The following ASTN2 variants were observed in gnomAD, a reference collection of about 807,000 sequenced individuals.
ASTN2 encodes astrotactin-2.
ASTN2 carries 54 observed loss-of-function variants against 139.8 expected under a neutral mutation model. The ratio of observed to expected loss-of-function variants is 0.39; its 90% CI spans 0.31 to 0.48. The LOEUF (loss-of-function observed/expected upper bound fraction) is 0.48, where lower values mean the gene tolerates loss of function less well. ASTN2 is among the 20% of genes least tolerant of loss of function. The probability of loss-of-function intolerance (pLI) is 0.95; values close to 1 mark genes in which losing one functional copy is unlikely to be tolerated. For missense variants in ASTN2, 1,565 were observed against 1,725.1 expected (o/e 0.91, Z 1.64); for synonymous variants, 756 against 719.5 (o/e 1.05, Z -0.81).
intron 3 of ASTN2, among the ~76,000 whole-genome samples, chr9:117,202,852 C>T (rs1052266868): frequency 2.6e-5 from 4 of 152,108 alleles, no homozygotes; most frequent in Admixed American, 2.6e-4. Flanking sequence ...TCATGTTCTC[C>T]GTATTTCCTG....
intron 3 of ASTN2, among the ~76,000 whole-genome samples, chr9:117,198,552 T>C (rs1254762801): frequency 1.3e-5 from 2 of 152,164 alleles, no homozygotes. Context: ...TGATGGGCAT[T>C]TGGGTTGGTT....
chr9:116,786,588 C>A (rs749056981), intron 13 of ASTN2, among the ~76,000 whole-genome samples: 2 of 151,768 alleles, frequency 1.3e-5, no homozygotes, highest in African/African-American at 4.8e-5. Flanking sequence ...TGGAGAGATA[C>A]CCAAGAAACT....
chr9:116,482,543 G>A (rs375882111), intron 20 of ASTN2, among the ~76,000 whole-genome samples: 8 of 152,102 alleles, frequency 5.3e-5, no homozygotes, highest in East Asian at 3.9e-4. Flanking sequence ...GCAAGCCTCC[G>A]GGCTCACTGA....
At chr9:117,144,120 A>G (rs1830136460) in intron 3 of ASTN2, among the ~76,000 whole-genome samples, 1 of 151,730 alleles carries the variant, frequency 6.6e-6, no homozygotes, top group African/African-American at 2.4e-5. Flanking sequence ...GAAAGACCCC[A>G]CTCTCTTTCT....
intron 3 of ASTN2, among the ~76,000 whole-genome samples, chr9:117,208,087 A>G (rs1423543613): frequency 2.6e-5 from 4 of 152,226 alleles, no homozygotes; most frequent in African/African-American, 9.6e-5. Context: ...ACATAGGGAC[A>G]CATCAAACAT....
At chr9:117,379,007 T>G (rs1219656273) in intron 1 of ASTN2, among the ~76,000 whole-genome samples, 2 of 152,182 alleles carry the variant, frequency 1.3e-5, no homozygotes, top group Non-Finnish European at 2.9e-5. Context: ...TCCTGCCGTG[T>G]GAGACGTCAT....
chr9:116,947,681 C>G (rs1835436012), intron 10 of ASTN2, among the ~76,000 whole-genome samples: 1 of 152,154 alleles, frequency 6.6e-6, no homozygotes, highest in Non-Finnish European at 1.5e-5. Context: ...GAATATTTTT[C>G]CATGAACCAT....
intron 3 of ASTN2, among the ~76,000 whole-genome samples, chr9:117,151,320 C>G (rs577867787): frequency 6.6e-6 from 1 of 152,158 alleles, no homozygotes; most frequent in East Asian, 1.9e-4. Flanking sequence ...TCTATCCTGT[C>G]CATGACTTCA....
chr9:116,773,536 T>C (rs2132189551), intron 13 of ASTN2, among the ~76,000 whole-genome samples: 1 of 152,190 alleles, frequency 6.6e-6, no homozygotes, highest in South Asian at 2.1e-4. Flanking sequence ...CACACAAAGA[T>C]GGGCTTTAAA....
chr9:116,573,940 T>C (rs1271010022), intron 19 of ASTN2, among the ~76,000 whole-genome samples: 1 of 152,112 alleles, frequency 6.6e-6, no homozygotes, highest in Admixed American at 6.6e-5. Context: ...TAAAATCATA[T>C]AAAAAAGAGA....
chr9:116,871,035 G>T (rs2132352732), intron 10 of ASTN2, among the ~76,000 whole-genome samples: 1 of 152,260 alleles, frequency 6.6e-6, no homozygotes, highest in South Asian at 2.1e-4. Context: ...GAGACAGACA[G>T]ATCTTGAGGC....
intron 6 of ASTN2, among the ~76,000 whole-genome samples, chr9:117,034,905 A>G (rs1838339546): frequency 1.3e-5 from 2 of 152,202 alleles, no homozygotes; most frequent in African/African-American, 2.4e-5. Context: ...AACTCTTGCC[A>G]GCTGGGCTCT....
intron 5 of ASTN2, among the ~76,000 whole-genome samples, chr9:117,043,364 A>G (rs531244954): frequency 1.2e-4 from 18 of 152,264 alleles, no homozygotes; most frequent in Non-Finnish European, 2.9e-5. Flanking sequence ...CACCCTGTGG[A>G]TCCCTTAGAA....
At chr9:117,076,409 A>AG (rs1364592592) in intron 5 of ASTN2, among the ~76,000 whole-genome samples, 5 of 151,726 alleles carry the variant, frequency 3.3e-5, no homozygotes, top group Admixed American at 1.3e-4. Context: ...GGAGAAAAAG[A>AG]GGGGGGGATA....
At chr9:116,740,657 C>G (rs964547189) in intron 13 of ASTN2, among the ~76,000 whole-genome samples, 9 of 151,734 alleles carry the variant, frequency 5.9e-5, no homozygotes, top group East Asian at 3.9e-4. Context: ...GGACTACAGG[C>G]GCCCACCACC....
chr9:117,300,549 G>A (rs1032455536), intron 1 of ASTN2, among the ~76,000 whole-genome samples: 16 of 152,200 alleles, frequency 1.1e-4, no homozygotes, highest in African/African-American at 3.9e-4. Flanking sequence ...GGTACAGCTT[G>A]TTACAGGAAC....
chr9:116,492,119 T>C (rs552358619), intron 19 of ASTN2, among the ~76,000 whole-genome samples: 1 of 151,908 alleles, frequency 6.6e-6, no homozygotes, highest in South Asian at 2.1e-4. Context: ...TCTTTCTCTA[T>C]TGCCCAGGCT....
intron 17 of ASTN2, among the ~76,000 whole-genome samples, chr9:116,637,680 T>C (rs889567090): frequency 3.3e-5 from 5 of 152,202 alleles, no homozygotes; most frequent in Non-Finnish European, 4.4e-5. Flanking sequence ...AGTACATGCC[T>C]GTAATCCCAG....
chr9:117,288,438 G>T (rs891715400), intron 2 of ASTN2, among the ~76,000 whole-genome samples: 4 of 152,148 alleles, frequency 2.6e-5, no homozygotes, highest in Non-Finnish European at 1.5e-5. Context: ...TTGACTAGAA[G>T]ATTTGGGTCT....
Sources: allele counts gnomAD v4.1 joint callset (sites outside exome capture counted in the v4.1 genomes callset), GRCh38; gene constraint gnomAD v4.1.1; transcripts MANE v1.5; gene names NCBI Gene and HGNC (gene_info 2026-07-23, HGNC 2026-07-21).